Variants in RAD51C observed in about 807,000 individuals in gnomAD.
RAD51C encodes RAD51 paralog C, also known as DNA repair protein RAD51 homolog 3.
A neutral mutation model predicts 45.0 loss-of-function variants in RAD51C; 42 were observed. That is an observed-to-expected ratio of 0.93 (90% CI 0.73 to 1.21). The LOEUF is 1.21. RAD51C is among the 50% of genes most tolerant of loss of function. The pLI is 0.00. For missense variants in RAD51C, 474 were observed against 452.2 expected, an observed-to-expected ratio of 1.05 and a Z score of -0.44; for synonymous variants, 172 against 159.8, an observed-to-expected ratio of 1.08 and a Z score of -0.58.
intron 7 of RAD51C, among the ~76,000 whole-genome samples, chr17:58,729,981 T>A (rs184372784): frequency 1.3e-5 from 2 of 152,278 alleles, no homozygotes; most frequent in Admixed American, 1.3e-4. Context: ...ACTGTTGATA[T>A]GAGGTGATTT....
At chr17:58,697,016 A>G (rs1171803282) in intron 3 of RAD51C, among the ~76,000 whole-genome samples, 157 bp downstream of exon 3, 1 of 152,206 alleles carries the variant, frequency 6.6e-6, no homozygotes, top group Admixed American at 6.5e-5. Flanking sequence ...ACAAAATGAG[A>G]AATGCCACAG....
intron 6 of RAD51C, among the ~76,000 whole-genome samples, chr17:58,721,440 T>C (rs1490850231): frequency 6.6e-6 from 1 of 152,178 alleles, no homozygotes. Context: ...CAAGATTTAT[T>C]TCCACTAAAA....
Position 58,707,833 on chromosome 17 carries a change from T to C in RAD51C, c.706-2026T>C, listed in dbSNP as rs75824705. On this transcript the variant is annotated intron_variant, in intron 4 of 8. Coordinates refer to ENST00000337432, the MANE Select transcript of RAD51C (RefSeq NM_058216.3). ...TCAAGATAAGGTTCTGGCTGATTGG[T>C]CTCTGGTGAGAGCTCTCTCCCTGGC... 2.4e-3 allele frequency among the ~76,000 whole-genome samples: 369 copies of C among 152,242 alleles called. 3 individuals carry two copies. Among genetic ancestry groups the C allele is most frequent in the African/African-American group, 8.4e-3 (347 of 41,534 alleles).
chr17:58,728,404 CTTTTTTTTT>C (rs71143283), intron 7 of RAD51C, among the ~76,000 whole-genome samples: 3 of 129,672 alleles, frequency 2.3e-5, no homozygotes, highest in Admixed American at 2.3e-4. Flanking sequence ...TTTTTTTTTT[CTTTTTTTTT>C]TTGAGACAGG....
At position 58,734,115 on chromosome 17, in the gene RAD51C, C is replaced by G. The variant is rs587782459; in HGVS notation, c.1027-3C>G. The G allele has an allele frequency of 5.6e-6, 9 of 1,611,560 alleles. No homozygotes were observed. The highest frequency in any genetic ancestry group is 7.6e-6 in the Non-Finnish European group (9 of 1,178,542). ...ATTTGTATATATATTTTTTATCTTTCAGCCTCAGGGATTTAGAGATACTGT... is the reference window on the plus strand; with the variant it reads ...ATTTGTATATATATTTTTTATCTTTGAGCCTCAGGGATTTAGAGATACTGT... On this transcript the variant is annotated splice_polypyrimidine_tract_variant and splice_region_variant and intron_variant, in intron 8 of 8. Transcript: ENST00000337432.
intron 1 of RAD51C, chr17:58,694,587 T>C (rs2047924119): frequency 2.9e-6 from 1 of 344,812 alleles, no homozygotes; most frequent in Non-Finnish European, 5.6e-6. Context: ...GTGATTGTCC[T>C]GCCTCAGCCT....
chr17:58,727,116 G>A (rs949901364), intron 7 of RAD51C, among the ~76,000 whole-genome samples: 5 of 151,424 alleles, frequency 3.3e-5, no homozygotes, highest in South Asian at 2.1e-4. Flanking sequence ...CACCGCACCC[G>A]GCCTTATAAA....
intron 5 of RAD51C, among the ~76,000 whole-genome samples, chr17:58,712,806 A>G (rs2048605595): frequency 2.0e-5 from 3 of 150,832 alleles, no homozygotes; most frequent in Admixed American, 1.3e-4. Flanking sequence ...GCGACAGAGC[A>G]AGACTCCGTC....
intron 3 of RAD51C, among the ~76,000 whole-genome samples, chr17:58,702,456 G>T (rs2048241901): frequency 6.6e-6 from 1 of 152,042 alleles, no homozygotes; most frequent in South Asian, 2.1e-4. Flanking sequence ...AATTTGGGAA[G>T]CTGAGGTGAG....
chr17:58,730,536 A>G (rs866445602), intron 7 of RAD51C, among the ~76,000 whole-genome samples: 11 of 152,136 alleles, frequency 7.2e-5, no homozygotes, highest in South Asian at 2.1e-4. Context: ...TAAAGTTGCA[A>G]TTACAGAGTA....
At chr17:58,731,466 T>C (rs1292121183) in intron 7 of RAD51C, among the ~76,000 whole-genome samples, 1 of 151,976 alleles carries the variant, frequency 6.6e-6, no homozygotes, top group Admixed American at 6.6e-5. Context: ...TCCATGTTGG[T>C]CAGGCTGGTC....
At chr17:58,692,959 G>T in intron 1 of RAD51C, 171 bp downstream of exon 1, 1 of 928,248 alleles carries the variant, frequency 1.1e-6, no homozygotes. Flanking sequence ...TTGTCTGAAT[G>T]GTTAGGAGAA....
At chr17:58,731,780 C>G (rs1306464036) in intron 7 of RAD51C, among the ~76,000 whole-genome samples, 3 of 152,008 alleles carry the variant, frequency 2.0e-5, no homozygotes, top group African/African-American at 7.3e-5. Context: ...AGATGGGGGT[C>G]TCACTATGTT....
At chr17:58,728,929 A>G (rs2049284961) in intron 7 of RAD51C, among the ~76,000 whole-genome samples, 1 of 152,200 alleles carries the variant, frequency 6.6e-6, no homozygotes, top group South Asian at 2.1e-4. Context: ...GATTATTCAG[A>G]ATTACACTAC....
chr17:58,692,908 A>G lies in RAD51C; in HGVS notation c.145+120A>G, dbSNP rs577305218. 9 of 1,451,516 alleles carry G rather than the reference A, an allele frequency of 6.2e-6. No homozygotes were observed. In the East Asian group the frequency reaches 9.2e-5, roughly 15 times the overall value. 89.9% of individuals were successfully genotyped at this position (1,451,516 alleles called of 1,614,324 possible). On this transcript the variant is annotated intron_variant, in intron 1 of 8. Transcript: ENST00000337432. The stretch of plus-strand genomic sequence containing the variant: ...TTAGATTCTGCTTCCTCCCACGTCC[A>G]TGTTTACAGCGTGAAAGAGCTCCTC...
At chr17:58,695,604 A>G (rs146173477) in intron 2 of RAD51C, among the ~76,000 whole-genome samples, 206 of 151,164 alleles carry the variant, frequency 1.4e-3, no homozygotes, top group Middle Eastern at 3.4e-3. Flanking sequence ...TGGGCAACAT[A>G]GTGAGACCTC....
rs755879664 is a variant in RAD51C, at chr17:58,696,751, G to A, written c.463G>A (p.Ala155Thr). The stretch of plus-strand genomic sequence containing the variant: ...ATGTTTTGGAGGAGTGGCAGGTGAA[G>A]CAGTTTTTATTGATACAGAGGGAAG... ...PECFGGVAGE[A>T]VFIDTEGSFM... Residue 155 changes from alanine to threonine, a missense_variant, in exon 3 of 9, where the codon GCA (alanine) becomes ACA (threonine). Transcript: ENST00000337432. The A allele has an allele frequency of 1.2e-6, 2 of 1,614,196 alleles. No individual in the cohort carries two copies. The highest frequency in any genetic ancestry group is 1.7e-6 in the Non-Finnish European group (2 of 1,180,018).
Position 58,692,638 on chromosome 17 carries a change from C to T in RAD51C, c.-6C>T, listed in dbSNP as rs764457287. ...GGCTGCTCCGGGGTTAGCAGGTGAGCCTGCGATGCGCGGGAAGACGTTCCG... is the reference window on the plus strand; with the variant it reads ...GGCTGCTCCGGGGTTAGCAGGTGAGTCTGCGATGCGCGGGAAGACGTTCCG... On this transcript the variant is annotated 5_prime_UTR_variant, in exon 1 of 9. Coordinates refer to ENST00000337432, the MANE Select transcript of RAD51C (RefSeq NM_058216.3). 1.2e-6 allele frequency: 2 copies of T among 1,613,852 alleles called. No individual in the cohort carries two copies. The highest frequency in any genetic ancestry group is 1.1e-5 in the South Asian group (1 of 91,070).
intron 1 of RAD51C, chr17:58,693,905 T>C (rs1432936957): frequency 6.6e-6 from 1 of 152,198 alleles, no homozygotes; most frequent in Non-Finnish European, 1.5e-5. Flanking sequence ...GTCATCACCA[T>C]TGTCTTTTAT....
Sources: gnomAD v4.1 joint callset for allele counts (sites outside exome capture counted in the v4.1 genomes callset) on GRCh38, gnomAD v4.1.1 for gene constraint, MANE v1.5 for transcripts, NCBI Gene and HGNC (gene_info 2026-07-23, HGNC 2026-07-21) for gene names.